The following PTGER3 variants were observed in gnomAD, a reference collection of about 807,000 sequenced individuals.
The protein encoded by PTGER3 is prostaglandin E receptor 3.
In PTGER3, 22 loss-of-function variants were observed where a neutral mutation model predicts 34.7. The ratio of observed to expected loss-of-function variants is 0.63; its 90% CI spans 0.45 to 0.91. The LOEUF is 0.91. Among genes scored for constraint, PTGER3 ranks in the 40% least tolerant of loss-of-function variants. The pLI is 0.00. For missense variants in PTGER3, 468 were observed against 519.4 expected (o/e 0.90, Z 0.96); for synonymous variants, 241 against 230.1 (o/e 1.05, Z -0.43).
At chr1:70,892,750 A>G (rs537219312) in intron 4 of PTGER3, among the ~76,000 whole-genome samples, 1 of 150,720 alleles carries the variant, frequency 6.6e-6, no homozygotes, top group East Asian at 2.0e-4. Context: ...CTGAGGCAGG[A>G]GAATTGCTTG....
rs5669 is a variant in PTGER3, at chr1:71,047,467, G to C, written c.111C>G (p.Leu37=). 3,433 of 1,609,666 alleles carry C rather than the reference G, an allele frequency of 2.1e-3. 74 individuals are homozygous for C. The African/African-American group carries it at 0.04, about 19-fold the overall frequency. The part of the protein sequence containing the change: ...PERSAEARGN[L]TRPPGSGEDC... Reference sequence around the variant, plus strand: ...CCTCGCCAGACCCTGGAGGGCGCGTGAGGTTGCCCCGCGCCTCGGCGGAAC... The same window carrying C: ...CCTCGCCAGACCCTGGAGGGCGCGTCAGGTTGCCCCGCGCCTCGGCGGAAC... Residue 37 remains leucine, a synonymous_variant, in exon 1 of 4, where the codon CTC becomes CTG. Coordinates refer to ENST00000306666, the MANE Select transcript of PTGER3 (RefSeq NM_198719.2).
At chr1:70,958,436 G>A (rs1028533225) in intron 2 of PTGER3, among the ~76,000 whole-genome samples, 29 of 152,104 alleles carry the variant, frequency 1.9e-4, no homozygotes, top group Admixed American at 8.5e-4. Flanking sequence ...GATTAGTGAA[G>A]TTTTGCATTT....
intron 4 of PTGER3, among the ~76,000 whole-genome samples, chr1:70,928,685 T>C (rs968979008): frequency 1.3e-5 from 2 of 152,082 alleles, no homozygotes; most frequent in African/African-American, 4.8e-5. Flanking sequence ...TTTCTATTCT[T>C]GGGAAAAGGA....
chr1:70,969,880 G>A (rs551724328), downstream of PTGER3, among the ~76,000 whole-genome samples: 6 of 152,218 alleles, frequency 3.9e-5, no homozygotes, highest in Non-Finnish European at 5.9e-5. Flanking sequence ...AGGATCTATC[G>A]TGTAACACTC....
chr1:70,885,035 A>G (rs2100234330), intron 4 of PTGER3, among the ~76,000 whole-genome samples: 1 of 152,290 alleles, frequency 6.6e-6, no homozygotes, highest in Middle Eastern at 3.4e-3. Context: ...ACTTTGTCTA[A>G]CTATTCCAAG....
intron 1 of PTGER3, among the ~76,000 whole-genome samples, chr1:71,046,295 A>AAC (rs1037516177): frequency 6.6e-6 from 1 of 151,128 alleles, no homozygotes; most frequent in African/African-American, 2.4e-5. Context: ...CAAAAAAAAA[A>AAC]AAAAAAAAAA....
intron 4 of PTGER3, among the ~76,000 whole-genome samples, chr1:70,856,126 A>C (rs1353639608): frequency 2.0e-5 from 3 of 152,164 alleles, no homozygotes; most frequent in Non-Finnish European, 4.4e-5. Context: ...ATGCTTGTAG[A>C]CTTCCAAGGT....
At chr1:70,907,440 G>A (rs1358017512) in intron 4 of PTGER3, among the ~76,000 whole-genome samples, 1 of 152,232 alleles carries the variant, frequency 6.6e-6, no homozygotes, top group Non-Finnish European at 1.5e-5. Flanking sequence ...TGATGCGAAA[G>A]CCAGAAGCCT....
At chr1:70,994,306 C>A (rs1165905128) in intron 2 of PTGER3, among the ~76,000 whole-genome samples, 1 of 152,152 alleles carries the variant, frequency 6.6e-6, no homozygotes, top group African/African-American at 2.4e-5. Flanking sequence ...ACCAAGGGAC[C>A]TTTACCGGGA....
At chr1:70,920,881 GTTGTTGTA>G (rs1647456311) in intron 4 of PTGER3, among the ~76,000 whole-genome samples, 1 of 19,174 alleles carries the variant, frequency 5.2e-5, no homozygotes, top group Non-Finnish European at 9.9e-5. Flanking sequence ...ATTTTTGTAT[GTTGTTGTA>G]TGTTGTTGTC....
Position 71,012,326 on chromosome 1 carries a change from G to A in PTGER3, c.1056C>T (p.Ile352=). The A allele has an allele frequency of 6.2e-7, 1 of 1,614,158 alleles. No individual in the cohort carries two copies. Among genetic ancestry groups the A allele is most frequent in the Non-Finnish European group, 8.5e-7 (1 of 1,180,036 alleles). The stretch of plus-strand genomic sequence containing the variant: ...CTACCTGGCAAAACTTTCGAAGAAG[G>A]ATCTTTCTTAACAGCAGGTAAACCC... ...DPWVYLLLRK[I]LLRKFCQIRY... is the part of the protein sequence containing the mutation. Residue 352 remains isoleucine (I), a synonymous_variant, in exon 2 of 4, where the codon ATC becomes ATT. Transcript: ENST00000306666.
At chr1:71,020,051 A>G (rs61778876) in intron 1 of PTGER3, among the ~76,000 whole-genome samples, 4,158 of 152,256 alleles carry the variant, frequency 0.027, 93 homozygotes, top group Non-Finnish European at 0.04. Context: ...CACTAAAACC[A>G]GTCTGGGCCC....
In PTGER3 at chr1:70,974,402, G is replaced by A. The variant is rs762363579; in HGVS notation, c.1078-14C>T. 1 of 921,642 alleles carries A rather than the reference G, an allele frequency of 1.1e-6. No homozygotes were observed. Among genetic ancestry groups the A allele is most frequent in the East Asian group, 2.4e-5 (1 of 41,764 alleles). 57.1% of individuals were successfully genotyped at this position (921,642 alleles called of 1,614,324 possible). On this transcript the variant is annotated splice_polypyrimidine_tract_variant and intron_variant, in intron 2 of 3. Transcript: ENST00000306666. ...GTGGTACCTGATCTGTGAACAGACA[G>A]AGGATTTCACAGGACACTTCCTTGA...
At chr1:70,856,950 A>G (rs1045540688) in intron 4 of PTGER3, among the ~76,000 whole-genome samples, 3 of 152,304 alleles carry the variant, frequency 2.0e-5, no homozygotes, top group East Asian at 1.9e-4. Flanking sequence ...TATTTTACCA[A>G]TTTATGTCAA....
chr1:70,970,392 T>C (rs915536878), downstream of PTGER3, among the ~76,000 whole-genome samples: 1 of 152,176 alleles, frequency 6.6e-6, no homozygotes, highest in Non-Finnish European at 1.5e-5. Context: ...GCATCAGCTT[T>C]GTGCTAGTTA....
intron 2 of PTGER3, among the ~76,000 whole-genome samples, chr1:71,005,381 C>T (rs1172239526): frequency 2.0e-5 from 3 of 152,272 alleles, no homozygotes; most frequent in Non-Finnish European, 4.4e-5. Flanking sequence ...CAATGTCCTT[C>T]CTTTACAGGT....
intron 1 of PTGER3, among the ~76,000 whole-genome samples, chr1:71,046,052 G>A (rs1211210065): frequency 6.6e-6 from 1 of 151,540 alleles, no homozygotes; most frequent in Non-Finnish European, 1.5e-5. Flanking sequence ...CCAGCACTTT[G>A]GGAGGCCGAG....
intron 2 of PTGER3, chr1:71,006,151 C>T (rs1656940416): frequency 2.0e-6 from 2 of 982,442 alleles, no homozygotes; most frequent in Non-Finnish European, 2.4e-6. Context: ...TATACTTTAA[C>T]AAAACTCTGC....
At chr1:71,043,029 G>A (rs530562144) in intron 1 of PTGER3, among the ~76,000 whole-genome samples, 1 of 152,156 alleles carries the variant, frequency 6.6e-6, no homozygotes, top group Non-Finnish European at 1.5e-5. Context: ...CATTCTACCT[G>A]TTTGGGAGTG....
Sources: allele counts gnomAD v4.1 joint callset (sites outside exome capture counted in the v4.1 genomes callset), GRCh38; gene constraint gnomAD v4.1.1; transcripts MANE v1.5; gene names NCBI Gene and HGNC (gene_info 2026-07-23, HGNC 2026-07-21).